The following NDC1 variants were observed in gnomAD, a reference collection of about 807,000 sequenced individuals.
NDC1 encodes NDC1 transmembrane nucleoporin, also known as nucleoporin NDC1.
A neutral mutation model predicts 89.8 loss-of-function variants in NDC1; 24 were observed. The observed-to-expected ratio is 0.27, with a 90% confidence interval of 0.19 to 0.38. The LOEUF (loss-of-function observed/expected upper bound fraction) is 0.38. Among genes scored for constraint, NDC1 ranks in the 10% least tolerant of loss-of-function variants. The pLI is 1.00. For missense variants in NDC1, 728 were observed against 797.6 expected (o/e 0.91, Z 1.05); for synonymous variants, 296 against 284.8 (o/e 1.04, Z -0.39).
At chr1:53,774,139 C>T (rs764308978) in intron 16 of NDC1, among the ~76,000 whole-genome samples, 2 of 152,114 alleles carry the variant, frequency 1.3e-5, no homozygotes, top group Non-Finnish European at 2.9e-5. Flanking sequence ...AATACCTTTC[C>T]TATAGTTTAG....
intron 2 of NDC1, among the ~76,000 whole-genome samples, chr1:53,833,767 G>A (rs4927041): frequency 0.26 from 39,650 of 151,632 alleles, 6,832 homozygotes; most frequent in African/African-American, 0.49. Flanking sequence ...AAAAATAAGA[G>A]CATGTTTGCT....
intron 11 of NDC1, among the ~76,000 whole-genome samples, chr1:53,800,156 A>G (rs1647855048): frequency 6.6e-6 from 1 of 152,112 alleles, no homozygotes; most frequent in South Asian, 2.1e-4. Flanking sequence ...TTAACCAATG[A>G]AAAACTGCAT....
chr1:53,820,644 T>C (rs1006598480), intron 5 of NDC1, among the ~76,000 whole-genome samples: 1 of 145,152 alleles, frequency 6.9e-6, no homozygotes, highest in East Asian at 2.1e-4. Flanking sequence ...GAAAACAAGA[T>C]AAATGATTAG....
chr1:53,804,020 G>A lies in NDC1; in HGVS notation c.985-11C>T, dbSNP rs1553148958. 6.3e-7 allele frequency: 1 copy of A among 1,592,440 alleles called. No individual in the cohort carries two copies. Among genetic ancestry groups the A allele is most frequent in the South Asian group, 1.1e-5 (1 of 89,416 alleles). ...CTGCAAGGCTAAATACTAACAGGGG[G>A]AAAAAACACATATTATTTAATTTTT... On this transcript the variant is annotated splice_polypyrimidine_tract_variant and intron_variant, in intron 9 of 17. Transcript: ENST00000371429.
chr1:53,828,672 C>T (rs928455785), intron 3 of NDC1, among the ~76,000 whole-genome samples: 10 of 151,746 alleles, frequency 6.6e-5, no homozygotes, highest in Admixed American at 4.6e-4. Flanking sequence ...AGTGCAGTGG[C>T]GCAATCTTGG....
intron 2 of NDC1, among the ~76,000 whole-genome samples, chr1:53,835,016 G>A (rs934410158): frequency 4.8e-5 from 7 of 144,902 alleles, no homozygotes; most frequent in African/African-American, 1.9e-4. Context: ...ATGGGAAGCA[G>A]AGGTTGCAGT....
At chr1:53,777,339 T>A (rs1036888693) in intron 16 of NDC1, among the ~76,000 whole-genome samples, 3 of 152,170 alleles carry the variant, frequency 2.0e-5, no homozygotes, top group Non-Finnish European at 4.4e-5. Context: ...GAATTTTTTT[T>A]AAATAAGTAA....
rs975563805 is a variant in NDC1 at position 53,767,670 on chromosome 1, C to G, written c.*300G>C. On this transcript the variant is annotated 3_prime_UTR_variant, in exon 18 of 18. Coordinates refer to ENST00000371429, the MANE Select transcript of NDC1 (RefSeq NM_018087.5). Reference sequence around the variant, plus strand: ...AATTCTAAAAGTTTTTTAGTTATTACTATTAAGTTATATGAGCTAGAGACA... The same window carrying G: ...AATTCTAAAAGTTTTTTAGTTATTAGTATTAAGTTATATGAGCTAGAGACA... 4.5e-6 allele frequency: 1 copy of G among 220,254 alleles called. No individual in the cohort carries two copies. 13.6% of individuals were successfully genotyped at this position (220,254 alleles called of 1,614,324 possible).
At chr1:53,820,971 G>A (rs1316192769) in intron 5 of NDC1, among the ~76,000 whole-genome samples, 1 of 151,620 alleles carries the variant, frequency 6.6e-6, no homozygotes, top group Non-Finnish European at 1.5e-5. Context: ...CTCCCAAAGT[G>A]CTAGGATTAC....
intron 5 of NDC1, among the ~76,000 whole-genome samples, chr1:53,821,916 TACTTC>T (rs1361533501): frequency 2.0e-5 from 3 of 152,268 alleles, no homozygotes; most frequent in Non-Finnish European, 2.9e-5. Context: ...CTTTGTGCCC[TACTTC>T]ATACTAACAG....
chr1:53,800,794 T>C lies in NDC1; in HGVS notation c.1121A>G (p.Asn374Ser), dbSNP rs1261080350. 1 of 1,613,066 alleles carries C rather than the reference T, an allele frequency of 6.2e-7. No homozygotes were observed. Among genetic ancestry groups the C allele is most frequent in the African/African-American group, 1.3e-5 (1 of 74,878 alleles). Residue 374 changes from asparagine to serine, a missense_variant, in exon 11 of 18, where the codon AAT becomes AGT. Transcript: ENST00000371429. ...GAGAATCAGTTTCTGAGTCATACCA[T>C]TTAAAAGATTCAAACACTCCCTTGA... The part of the protein sequence containing the change: ...AISRECLNLL[N>S]GMTQKLILYQ...
chr1:53,828,001 G>A lies in NDC1; in HGVS notation c.453C>T (p.Asn151=), dbSNP rs1214344020. Residue 151 remains asparagine (N), a splice_region_variant and synonymous_variant, in exon 4 of 18, where the codon AAC becomes AAT. Coordinates refer to ENST00000371429, the MANE Select transcript of NDC1 (RefSeq NM_018087.5). Reference sequence around the variant, plus strand: ...AGGAAATATATATTTAATATTACCTGTTAGTACCAGTGCAGGGAACCACAA... The same window carrying A: ...AGGAAATATATATTTAATATTACCTATTAGTACCAGTGCAGGGAACCACAA... ...SFLVVPCTGT[N]SFGSPAAQTC... is the part of the protein sequence containing the mutation. The A allele has an allele frequency of 4.4e-6, 7 of 1,604,890 alleles. No individual in the cohort carries two copies. Among genetic ancestry groups the A allele is most frequent in the Non-Finnish European group, 6.0e-6 (7 of 1,174,762 alleles).
At chr1:53,778,667 A>T (rs965572827) in intron 16 of NDC1, among the ~76,000 whole-genome samples, 1 of 152,208 alleles carries the variant, frequency 6.6e-6, no homozygotes, top group Non-Finnish European at 1.5e-5. Context: ...ATAAAATATG[A>T]CTAAATGACA....
Position 53,828,054 on chromosome 1 carries a change from C to T in NDC1, c.400G>A (p.Val134Met). 2 of 1,614,120 alleles carry T rather than the reference C, an allele frequency of 1.2e-6. No individual in the cohort carries two copies. The change falls in exon 4 of 18, where the codon GTG becomes ATG. Residue 134 changes from valine to methionine, a missense_variant. By Grantham distance (21) the Val-to-Met change is conservative (BLOSUM62 1). Transcript: ENST00000371429. ...AAGCTGTACTGGCCCTGGGTTATCA[C>T]TGCAGCACACCAGGCCATCACCATT... The part of the protein sequence containing the change: ...MGMVMAWCAA[V>M]ITQGQYSFLV...
chr1:53,826,272 T>C (rs1364998370), intron 4 of NDC1, among the ~76,000 whole-genome samples: 3 of 152,212 alleles, frequency 2.0e-5, no homozygotes. Flanking sequence ...AGAGATGCCA[T>C]AACATTGGGT....
In NDC1 at chr1:53,778,260, T is replaced by TACACACACACACAC. The variant is rs202023880; in HGVS notation, c.1801-5785_1801-5772dup. On this transcript the variant is annotated intron_variant, in intron 16 of 17. Transcript: ENST00000371429. The stretch of plus-strand genomic sequence containing the variant: ...ATAGTATATGATGTGTGTGTGTATA[T>TACACACACACACAC]ACACACACACACACACACACACACA... 2.1e-5 allele frequency among the ~76,000 whole-genome samples: 3 copies of TACACACACACACAC among 144,784 alleles called. No homozygotes were observed. In the South Asian group the frequency reaches 6.7e-4, roughly 32 times the overall value. 95.0% of individuals were successfully genotyped at this position (144,784 alleles called of 152,430 possible).
At chr1:53,830,595 T>C (rs986037184) in intron 3 of NDC1, among the ~76,000 whole-genome samples, 1 of 152,118 alleles carries the variant, frequency 6.6e-6, no homozygotes, top group Non-Finnish European at 1.5e-5. Flanking sequence ...GCGCGGTGGC[T>C]CATGCTTGTA....
At chr1:53,800,332 CTTTTT>C (rs1158363485) in intron 11 of NDC1, among the ~76,000 whole-genome samples, 1 of 80,646 alleles carries the variant, frequency 1.2e-5, no homozygotes, top group Admixed American at 1.8e-4. Context: ...CTACAGTCAT[CTTTTT>C]TTTTTTTTTT....
rs1376440855 is a variant in NDC1 at position 53,809,733 on chromosome 1, T to C, written c.717A>G (p.Lys239=). 2 of 1,612,814 alleles carry C rather than the reference T, an allele frequency of 1.2e-6. No individual in the cohort carries two copies. Among genetic ancestry groups the C allele is most frequent in the Non-Finnish European group, 1.7e-6 (2 of 1,178,990 alleles). ...GGTTCATAGCAGTGCTAATCCAAGC[T>C]TTGGGAATATAGCCTGAAGGGAAAA... ...ILYYFLGYIP[K]AWISTAMNLH... The change falls in exon 7 of 18, where the codon AAA becomes AAG. Residue 239 remains lysine, a synonymous_variant. Coordinates refer to ENST00000371429, the MANE Select transcript of NDC1 (RefSeq NM_018087.5).
Sources: gnomAD v4.1 joint callset for allele counts (sites outside exome capture counted in the v4.1 genomes callset) on GRCh38, gnomAD v4.1.1 for gene constraint, MANE v1.5 for transcripts, NCBI Gene and HGNC (gene_info 2026-07-23, HGNC 2026-07-21) for gene names.